Variants in YEATS4 observed in about 807,000 individuals in gnomAD.
YEATS4 encodes the protein YEATS domain containing 4.
A neutral mutation model predicts 30.1 loss-of-function variants in YEATS4; 17 were observed. The observed-to-expected ratio is 0.56, with a 90% CI of 0.39 to 0.85. The LOEUF is 0.85. Ranked by LOEUF, YEATS4 falls within the 40% of genes least tolerant of loss-of-function variation. YEATS4 has a pLI of 0.00. For synonymous variants in YEATS4, 85 were observed against 87.5 expected (o/e 0.97, Z 0.16); for missense variants, 142 against 268.3 (o/e 0.53, Z 3.29).
At chr12:69,409,391 C>G in the YEATS4 span, among the ~76,000 whole-genome samples, 1 of 152,088 alleles carries the variant, frequency 6.6e-6, no homozygotes, top group East Asian at 1.9e-4. Flanking sequence ...CTGAGGTGGG[C>G]GGATCCCTTG....
In YEATS4 at chr12:69,359,859, C is replaced by G. The variant is rs558889871; in HGVS notation, c.-114C>G. The G allele has an allele frequency of 3.0e-6, 4 of 1,352,468 alleles. No individual in the cohort carries two copies. The highest frequency in any genetic ancestry group is 1.3e-5 in the South Asian group (1 of 75,670). 83.8% of individuals were successfully genotyped at this position (1,352,468 alleles called of 1,614,324 possible). ...GCCCAAGTAACTCGCCCTCCTTCGG[C>G]TAGAAACCCTCCGCCTGGGCCCGCG... On this transcript the variant is annotated 5_prime_UTR_variant, in exon 1 of 7. Coordinates refer to ENST00000247843, the MANE Select transcript of YEATS4 (RefSeq NM_006530.4).
At chr12:69,426,182 A>G in the YEATS4 span, among the ~76,000 whole-genome samples, 44 of 152,286 alleles carry the variant, frequency 2.9e-4, no homozygotes, top group African/African-American at 1.0e-3. Flanking sequence ...TTGAGGCTAC[A>G]GTAAGCCATG....
chr12:69,422,063 G>A, the YEATS4 span, among the ~76,000 whole-genome samples: 4 of 152,094 alleles, frequency 2.6e-5, no homozygotes, highest in Non-Finnish European at 4.4e-5. Flanking sequence ...TGGTTGGGAG[G>A]AGACCAGAGT....
downstream of YEATS4, among the ~76,000 whole-genome samples, chr12:69,394,791 G>A (rs1186181348): frequency 1.3e-5 from 2 of 151,944 alleles, no homozygotes; most frequent in African/African-American, 2.4e-5. Context: ...GTAGAATTTC[G>A]CCATAGTCTT....
chr12:69,372,780 C>T (rs1211756107), intron 6 of YEATS4, among the ~76,000 whole-genome samples: 2 of 152,038 alleles, frequency 1.3e-5, no homozygotes, highest in African/African-American at 4.8e-5. Flanking sequence ...TCAGTTAATC[C>T]ACCCACCTTG....
chr12:69,378,483 G>A (rs940985884), intron 6 of YEATS4, among the ~76,000 whole-genome samples: 13 of 151,910 alleles, frequency 8.6e-5, no homozygotes, highest in African/African-American at 1.5e-4. Context: ...TTTAGTGAAG[G>A]TGATTTTTTC....
intron 2 of YEATS4, among the ~76,000 whole-genome samples, chr12:69,363,375 A>G (rs1875309465): frequency 6.6e-6 from 1 of 152,166 alleles, no homozygotes. Flanking sequence ...TTTTGAAAAA[A>G]TAGAGAACTG....
chr12:69,384,996 TATTAA>T (rs59464667), intron 6 of YEATS4, among the ~76,000 whole-genome samples: 8,968 of 152,198 alleles, frequency 0.059, 378 homozygotes, highest in African/African-American at 0.12. Context: ...ATATTTGTCC[TATTAA>T]ATTAGCAAAA....
intron 6 of YEATS4, among the ~76,000 whole-genome samples, chr12:69,389,310 C>T (rs549187436): frequency 6.6e-6 from 1 of 151,656 alleles, no homozygotes; most frequent in Admixed American, 6.6e-5. Flanking sequence ...ATTAGCCGGG[C>T]ATGGCAGCAT....
At chr12:69,424,347 A>T in the YEATS4 span, among the ~76,000 whole-genome samples, 1 of 152,126 alleles carries the variant, frequency 6.6e-6, no homozygotes, top group Non-Finnish European at 1.5e-5. Context: ...TACTCAGGAG[A>T]CAGGATGCAT....
downstream of YEATS4, among the ~76,000 whole-genome samples, chr12:69,395,465 G>A (rs1477862331): frequency 2.2e-5 from 3 of 134,278 alleles, no homozygotes; most frequent in Non-Finnish European, 3.2e-5. Context: ...TTGAAAAACA[G>A]TGTTTATGAT....
chr12:69,368,946 G>T (rs1175146270), intron 4 of YEATS4, among the ~76,000 whole-genome samples: 3 of 152,130 alleles, frequency 2.0e-5, no homozygotes, highest in South Asian at 2.1e-4. Flanking sequence ...GAGAATTAGG[G>T]CTTCGTATCT....
the YEATS4 span, among the ~76,000 whole-genome samples, chr12:69,399,064 G>A: frequency 4.0e-5 from 6 of 149,620 alleles, no homozygotes; most frequent in East Asian, 6.0e-4. Flanking sequence ...GGAGAATGGC[G>A]TGAACCCGGG....
chr12:69,360,861 A>G (rs1182118596), intron 1 of YEATS4, among the ~76,000 whole-genome samples: 2 of 151,746 alleles, frequency 1.3e-5, no homozygotes, highest in Non-Finnish European at 2.9e-5. Context: ...GAAGGGGTAC[A>G]AATAGTTGTT....
intron 6 of YEATS4, among the ~76,000 whole-genome samples, chr12:69,372,557 CAG>C (rs1242298499): frequency 4.6e-5 from 2 of 43,096 alleles, no homozygotes; most frequent in Non-Finnish European, 9.8e-5. Flanking sequence ...TTTTTTGAGA[CAG>C]AGCCTTGCTC....
At chr12:69,400,195 C>T in the YEATS4 span, among the ~76,000 whole-genome samples, 1 of 151,930 alleles carries the variant, frequency 6.6e-6, no homozygotes, top group Non-Finnish European at 1.5e-5. Context: ...CAAGACAAGC[C>T]AGTGAGTACA....
intron 1 of YEATS4, among the ~76,000 whole-genome samples, chr12:69,362,549 G>A (rs1875263770): frequency 6.6e-6 from 1 of 152,126 alleles, no homozygotes; most frequent in Non-Finnish European, 1.5e-5. Context: ...CACTCTAAAA[G>A]CGCTTTACAT....
the YEATS4 span, among the ~76,000 whole-genome samples, chr12:69,401,469 C>T: frequency 1.3e-5 from 2 of 152,156 alleles, no homozygotes; most frequent in African/African-American, 2.4e-5. Flanking sequence ...CATGAGAACT[C>T]GACCTTTGGT....
chr12:69,391,893 TAAAAC>T (rs1276930976), downstream of YEATS4, among the ~76,000 whole-genome samples: 1 of 152,200 alleles, frequency 6.6e-6, no homozygotes. Flanking sequence ...TATTGGTTCA[TAAAAC>T]TAAAGTCCAT....
Sources: gnomAD v4.1 joint callset for allele counts (sites outside exome capture counted in the v4.1 genomes callset) on GRCh38, gnomAD v4.1.1 for gene constraint, MANE v1.5 for transcripts, NCBI Gene and HGNC (gene_info 2026-07-23, HGNC 2026-07-21) for gene names.